Variants in BOLL observed in about 807,000 individuals in gnomAD.
BOLL encodes protein boule-like.
In BOLL, 23 loss-of-function variants were observed where a neutral mutation model predicts 44.4. The ratio of observed to expected loss-of-function variants is 0.52; its 90% CI spans 0.37 to 0.73. The LOEUF (loss-of-function observed/expected upper bound fraction) is 0.73. Ranked by LOEUF, BOLL falls within the 30% of genes least tolerant of loss-of-function variation. The probability of loss-of-function intolerance (pLI) is 0.00; values close to 1 mark genes in which losing one functional copy is unlikely to be tolerated. For missense variants in BOLL, 287 were observed against 338.3 expected, an observed-to-expected ratio of 0.85 and a Z score of 1.19; for synonymous variants, 97 against 110.8, an observed-to-expected ratio of 0.88 and a Z score of 0.78.
Position 197,778,963 on chromosome 2 carries a change from A to G in BOLL, c.221+12T>C. The stretch of plus-strand genomic sequence containing the variant: ...GTTGCTAATTCCATAGACAATCTAT[A>G]GTGATACTAACCCTTTGGATACTCC... On this transcript the variant is annotated intron_variant, in intron 3 of 10. Transcript: ENST00000392296. 1 of 1,596,826 alleles carries G rather than the reference A, an allele frequency of 6.3e-7. No homozygotes were observed. Among genetic ancestry groups the G allele is most frequent in the Non-Finnish European group, 8.6e-7 (1 of 1,167,160 alleles).
Position 197,747,136 on chromosome 2 carries a change from C to T in BOLL, c.730-3977G>A, listed in dbSNP as rs142719916. 3.6e-3 allele frequency among the ~76,000 whole-genome samples: 546 copies of T among 152,012 alleles called. 1 individual carries two copies. The highest frequency in any genetic ancestry group is 6.0e-3 in the Non-Finnish European group (408 of 67,988). On this transcript the variant is annotated intron_variant, in intron 9 of 10. Transcript: ENST00000392296. ...CACCACAAACAAAAAAAAGGATAAC[C>T]ATGTGAGGTGATGGATTAGCTTGAT...
At chr2:197,785,487 G>C, upstream of BOLL, 2 of 713,048 alleles carry the variant, frequency 2.8e-6, no homozygotes, top group Non-Finnish European at 3.5e-6. The surrounding 1 kb of genome is among the most constrained non-coding windows in gnomAD (Gnocchi z 6.7). Flanking sequence ...GAGTGTCCGG[G>C]TCCCGCCTGG....
intron 9 of BOLL, among the ~76,000 whole-genome samples, chr2:197,751,718 A>T (rs1044063513): frequency 6.6e-6 from 1 of 152,204 alleles, no homozygotes; most frequent in African/African-American, 2.4e-5. Flanking sequence ...CCAGAGGTAC[A>T]AAGAGGAGCT....
chr2:197,766,880 A>G (rs1689024227), intron 6 of BOLL, among the ~76,000 whole-genome samples: 1 of 151,986 alleles, frequency 6.6e-6, no homozygotes, highest in African/African-American at 2.4e-5. Context: ...AAAGATTATG[A>G]AAATATAGTT....
chr2:197,753,082 G>A (rs181979914), intron 9 of BOLL, among the ~76,000 whole-genome samples: 134 of 152,282 alleles, frequency 8.8e-4, no homozygotes, highest in African/African-American at 3.0e-3. Context: ...AAATGGTGTC[G>A]AGAAAACTGG....
At chr2:197,775,524 C>A in intron 5 of BOLL, 141 bp downstream of exon 5, 1 of 560,236 alleles carries the variant, frequency 1.8e-6, no homozygotes, top group Non-Finnish European at 2.9e-6. Flanking sequence ...CAAAAATATT[C>A]AGTTTTTCCA....
intron 3 of BOLL, 77 bp from the exon 4 acceptor site, chr2:197,777,190 ATTTTG>A: frequency 9.2e-7 from 1 of 1,082,870 alleles, no homozygotes; most frequent in Non-Finnish European, 1.3e-6. Flanking sequence ...ATGTTTAAAA[ATTTTG>A]TTTTTAAATC....
At chr2:197,734,497 T>C (rs1336853086) in intron 10 of BOLL, among the ~76,000 whole-genome samples, 1 of 151,970 alleles carries the variant, frequency 6.6e-6, no homozygotes, top group Non-Finnish European at 1.5e-5. Context: ...CATGCTGATA[T>C]AAAGACGCAC....
At chr2:197,754,877 AC>A (rs1688438771) in intron 9 of BOLL, among the ~76,000 whole-genome samples, 1 of 152,220 alleles carries the variant, frequency 6.6e-6, no homozygotes, top group Admixed American at 6.5e-5. Flanking sequence ...AGCAATTGCA[AC>A]TAAGCAAAAA....
chr2:197,778,351 G>T (rs1689608420), intron 3 of BOLL, among the ~76,000 whole-genome samples: 2 of 151,810 alleles, frequency 1.3e-5, no homozygotes, highest in South Asian at 2.1e-4. Flanking sequence ...TTTTAACTTT[G>T]CAGTCCAACT....
At position 197,727,806 on chromosome 2, in the gene BOLL, A is replaced by G. The variant is rs998792442; in HGVS notation, c.*749T>C. 6.6e-6 allele frequency: 1 copy of G among 152,312 alleles called. No homozygotes were observed. The highest frequency in any genetic ancestry group is 1.9e-4 in the East Asian group (1 of 5,332). The allele number at this position is 152,312 out of a possible 1,614,324, so 9.4% of individuals were successfully genotyped here. ...ATTTTATAAAATTTGATACCAAATA[A>G]ATTATGTTATAGGAAGATTTCAATA... On this transcript the variant is annotated 3_prime_UTR_variant, in exon 11 of 11. Coordinates refer to ENST00000392296, the MANE Select transcript of BOLL (RefSeq NM_033030.6).
At chr2:197,761,684 C>G (rs1305556155) in intron 7 of BOLL, among the ~76,000 whole-genome samples, 1 of 152,020 alleles carries the variant, frequency 6.6e-6, no homozygotes, top group Non-Finnish European at 1.5e-5. Flanking sequence ...AAAAGAGACC[C>G]AACTATATGC....
At chr2:197,730,880 C>G (rs972284089) in intron 10 of BOLL, among the ~76,000 whole-genome samples, 3 of 152,052 alleles carry the variant, frequency 2.0e-5, no homozygotes, top group Non-Finnish European at 4.4e-5. Flanking sequence ...TAAAGACCAT[C>G]GAGACTAGGA....
intron 10 of BOLL, among the ~76,000 whole-genome samples, chr2:197,731,241 A>T (rs2106307831): frequency 6.6e-6 from 1 of 151,978 alleles, no homozygotes; most frequent in Non-Finnish European, 1.5e-5. Flanking sequence ...TGGTAAAGGG[A>T]TCAGTTCAAC....
At chr2:197,784,161 C>T (rs1247603517) in intron 1 of BOLL, among the ~76,000 whole-genome samples, 1 of 151,638 alleles carries the variant, frequency 6.6e-6, no homozygotes, top group African/African-American at 2.4e-5. Context: ...TTCTAACATA[C>T]GATATAGTTT....
At chr2:197,778,505 G>A (rs1689617580) in intron 3 of BOLL, among the ~76,000 whole-genome samples, 1 of 151,532 alleles carries the variant, frequency 6.6e-6, no homozygotes, top group Non-Finnish European at 1.5e-5. Flanking sequence ...CATTGATATA[G>A]CAATTAAAAA....
chr2:197,768,181 G>A (rs980549701), intron 6 of BOLL, among the ~76,000 whole-genome samples: 1 of 152,032 alleles, frequency 6.6e-6, no homozygotes, highest in Non-Finnish European at 1.5e-5. Context: ...TTGACAAAAT[G>A]TGTCACGCTT....
chr2:197,771,559 G>A (rs1231134675), intron 6 of BOLL, among the ~76,000 whole-genome samples: 2 of 152,008 alleles, frequency 1.3e-5, no homozygotes, highest in Non-Finnish European at 2.9e-5. Flanking sequence ...TGTCATTTAT[G>A]AATACATATA....
chr2:197,733,716 A>T (rs1322305015), intron 10 of BOLL, among the ~76,000 whole-genome samples: 2 of 152,144 alleles, frequency 1.3e-5, no homozygotes, highest in African/African-American at 4.8e-5. Context: ...TGGGGAAAGG[A>T]TTCCCTATTT....
Sources: gnomAD v4.1 joint callset for allele counts (sites outside exome capture counted in the v4.1 genomes callset) on GRCh38, gnomAD v4.1.1 for gene constraint, Gnocchi (gnomAD v3.1) non-coding constraint, MANE v1.5 for transcripts, NCBI Gene and HGNC (gene_info 2026-07-23, HGNC 2026-07-21) for gene names.